SYNE2: variants seen among roughly 807,000 people sequenced by gnomAD.
The protein encoded by SYNE2 is spectrin repeat containing nuclear envelope protein 2.
SYNE2 carries 431 observed loss-of-function variants against 856.3 expected under a neutral mutation model. The observed-to-expected ratio is 0.50, with a 90% confidence interval of 0.47 to 0.55. SYNE2 has a LOEUF of 0.55. Among genes scored for constraint, SYNE2 ranks in the 20% least tolerant of loss-of-function variants. SYNE2 has a pLI of 0.00. For missense variants in SYNE2, 8,129 were observed against 8,023.2 expected (o/e 1.01, Z -0.50); for synonymous variants, 2,923 against 2,872.3 (o/e 1.02, Z -0.56).
intron 7 of SYNE2, among the ~76,000 whole-genome samples, chr14:63,953,073 A>G: frequency 6.6e-6 from 1 of 152,208 alleles, no homozygotes; most frequent in Non-Finnish European, 1.5e-5. Context: ...TTGGGGAATG[A>G]GTCTACAGTG....
Position 64,190,229 on chromosome 14 carries a change from C to G in SYNE2, c.18030C>G (p.Ile6010Met), listed in dbSNP as rs145549349. ...NDRWQHLFDV[I>M]GSRVKKLKET... Reference sequence around the variant, plus strand: ...GTTGGCAACATCTTTTTGATGTCATCGGATCAAGGTAAGAAATGGGCTAAA... The same window carrying G: ...GTTGGCAACATCTTTTTGATGTCATGGGATCAAGGTAAGAAATGGGCTAAA... Residue 6010 changes from isoleucine to methionine, a missense_variant, in exon 99 of 116, where the codon ATC (isoleucine) becomes ATG (methionine). Around this residue, in one of 3 missense-constraint regions of SYNE2, gnomAD observed 5,410 missense variants for 5,284.8 expected, o/e 1.02. Coordinates refer to ENST00000555002, the MANE Select transcript of SYNE2 (RefSeq NM_182914.3). 1.2e-6 allele frequency: 2 copies of G among 1,613,860 alleles called. No individual in the cohort carries two copies. The highest frequency in any genetic ancestry group is 1.7e-6 in the Non-Finnish European group (2 of 1,180,008).
intron 96 of SYNE2, among the ~76,000 whole-genome samples, chr14:64,179,912 A>G (rs2098450384): frequency 6.6e-6 from 1 of 152,154 alleles, no homozygotes; most frequent in Admixed American, 6.5e-5. Context: ...GTATTTTCCT[A>G]TATGATTTGT....
intron 8 of SYNE2, among the ~76,000 whole-genome samples, chr14:63,959,292 T>C (rs2096279668): frequency 1.5e-5 from 2 of 132,164 alleles, no homozygotes; most frequent in South Asian, 2.7e-4. Flanking sequence ...TTCTTCTTTT[T>C]TTTTTTTTTT....
chr14:64,037,970 C>T lies in SYNE2; in HGVS notation c.7221+6613C>T, dbSNP rs1292833256. The stretch of plus-strand genomic sequence containing the variant: ...CCCCCCACCTCCCTCCCGGACGGGG[C>T]GGCTGCCGGGCGGAGACGCTCCTCA... On this transcript the variant is annotated intron_variant, in intron 45 of 115. Transcript: ENST00000555002. 1.1e-3 allele frequency among the ~76,000 whole-genome samples: 173 copies of T among 150,808 alleles called. 1 individual carries two copies. The highest frequency in any genetic ancestry group is 3.5e-3 in the African/African-American group (144 of 41,116).
chr14:63,982,479 C>T (rs1199317499), intron 16 of SYNE2, 151 bp from the exon 17 acceptor site: 5 of 687,744 alleles, frequency 7.3e-6, no homozygotes, highest in African/African-American at 2.0e-5. Context: ...TTGATTGCGC[C>T]ACTGCACTCC....
intron 45 of SYNE2, among the ~76,000 whole-genome samples, chr14:64,039,503 C>A (rs1293604106): frequency 2.0e-5 from 3 of 152,180 alleles, no homozygotes; most frequent in African/African-American, 7.2e-5. Flanking sequence ...ATTCTTCTCA[C>A]CTCCTATTCT....
intron 84 of SYNE2, among the ~76,000 whole-genome samples, chr14:64,152,144 A>G (rs1567476487): frequency 6.6e-6 from 1 of 152,222 alleles, no homozygotes; most frequent in East Asian, 1.9e-4. Context: ...ATATGATGCT[A>G]TATGGTTTAA....
At chr14:63,959,362 A>G (rs1368191380) in intron 8 of SYNE2, among the ~76,000 whole-genome samples, 1 of 137,616 alleles carries the variant, frequency 7.3e-6, no homozygotes, top group African/African-American at 2.8e-5. Flanking sequence ...CAGCGGCTCA[A>G]TCTCAGCTCA....
intron 1 of SYNE2, among the ~76,000 whole-genome samples, chr14:63,828,082 A>G (rs1889528625): frequency 6.6e-6 from 1 of 151,464 alleles, no homozygotes; most frequent in African/African-American, 2.4e-5. Flanking sequence ...CTGTAACCCC[A>G]GCTGCTCCAG....
intron 99 of SYNE2, among the ~76,000 whole-genome samples, chr14:64,197,377 G>A (rs766757449): frequency 1.1e-4 from 16 of 152,194 alleles, no homozygotes; most frequent in Non-Finnish European, 2.1e-4. Context: ...ATGCTTTAAA[G>A]AGGCAATGAG....
At chr14:63,934,327 C>T (rs570991115) in intron 2 of SYNE2, among the ~76,000 whole-genome samples, 1 of 149,938 alleles carries the variant, frequency 6.7e-6, no homozygotes, top group East Asian at 1.9e-4. Context: ...ACAGAGGTAA[C>T]TTCTACTTTT....
chr14:64,006,672 A>G (rs2096798468), intron 30 of SYNE2, among the ~76,000 whole-genome samples: 2 of 152,010 alleles, frequency 1.3e-5, no homozygotes, highest in African/African-American at 4.8e-5. Flanking sequence ...CTACAAAAAA[A>G]GAAAAATTAG....
intron 11 of SYNE2, among the ~76,000 whole-genome samples, chr14:63,972,847 A>G (rs1366831314): frequency 6.6e-6 from 1 of 152,226 alleles, no homozygotes; most frequent in Non-Finnish European, 1.5e-5. Context: ...AACTAGAGGT[A>G]TTGCTCTTAG....
chr14:64,103,219 A>G (rs953550461), intron 64 of SYNE2, among the ~76,000 whole-genome samples: 4 of 152,152 alleles, frequency 2.6e-5, no homozygotes, highest in Admixed American at 6.5e-5. Flanking sequence ...AAAACTCCAT[A>G]TATGTGAAAA....
In SYNE2 at chr14:64,167,437, G is replaced by A. The variant is rs370116312; in HGVS notation, c.16760+50G>A. Reference sequence around the variant, plus strand: ...TGTTTCAATTAAGGTAAAATTAACGGCTTCAGCTCGGGAATGGCATTGTTA... The same window carrying A: ...TGTTTCAATTAAGGTAAAATTAACGACTTCAGCTCGGGAATGGCATTGTTA... On this transcript the variant is annotated intron_variant, in intron 91 of 115. Coordinates refer to ENST00000555002, the MANE Select transcript of SYNE2 (RefSeq NM_182914.3). 7 of 1,614,084 alleles carry A rather than the reference G, an allele frequency of 4.3e-6. No homozygotes were observed. In the African/African-American group the frequency reaches 8.0e-5, roughly 18 times the overall value.
In SYNE2 at chr14:64,125,126, T is replaced by A; in HGVS notation, c.13470T>A (p.Phe4490Leu). The change falls in exon 71 of 116, where the codon TTT (phenylalanine) becomes TTA (leucine). Residue 4490 changes from phenylalanine (F) to leucine (L), a missense_variant. Phe to Leu is a conservative substitution (Grantham distance 22). Coordinates refer to ENST00000555002, the MANE Select transcript of SYNE2 (RefSeq NM_182914.3). ...GILPSVTMYNFRYPTTEELKT... is the reference protein window; with the variant it reads ...GILPSVTMYNLRYPTTEELKT... Reference sequence around the variant, plus strand: ...TACCCAGCGTGACTATGTATAACTTTAGATACCCAACAACTGAAGAACTGA... The same window carrying A: ...TACCCAGCGTGACTATGTATAACTTAAGATACCCAACAACTGAAGAACTGA... 1 of 1,614,216 alleles carries A rather than the reference T, an allele frequency of 6.2e-7. No individual in the cohort carries two copies. Among genetic ancestry groups the A allele is most frequent in the Non-Finnish European group, 8.5e-7 (1 of 1,180,028 alleles).
At chr14:63,837,098 A>C (rs1889883454) in intron 1 of SYNE2, among the ~76,000 whole-genome samples, 1 of 152,240 alleles carries the variant, frequency 6.6e-6, no homozygotes, top group Non-Finnish European at 1.5e-5. Flanking sequence ...GCAGGAAATT[A>C]TATAAGATGT....
intron 35 of SYNE2, 95 bp downstream of exon 35, chr14:64,020,188 G>A (rs2096926077): frequency 2.5e-6 from 2 of 807,086 alleles, no homozygotes; most frequent in South Asian, 1.5e-5. Context: ...GCAAAACCCT[G>A]TCTCTAAAAG....
In SYNE2 at chr14:64,027,543, G is replaced by C; in HGVS notation, c.6464G>C (p.Arg2155Thr). 2 of 1,611,758 alleles carry C rather than the reference G, an allele frequency of 1.2e-6. No homozygotes were observed. Among genetic ancestry groups the C allele is most frequent in the Non-Finnish European group, 1.7e-6 (2 of 1,178,702 alleles). Residue 2155 changes from arginine (R) to threonine (T), a missense_variant, in exon 43 of 116, where the codon AGA (arginine) becomes ACA (threonine). By Grantham distance (71) the Arg-to-Thr change is moderately conservative. Transcript: ENST00000555002. ...EKYLQSKEDL[R>T]LMLIELKKKQ... ...TATTTACAAAGTAAGGAGGATCTGAGATTAATGCTCATAGAACTAAAGAAG... is the reference window on the plus strand; with the variant it reads ...TATTTACAAAGTAAGGAGGATCTGACATTAATGCTCATAGAACTAAAGAAG...
Sources: gnomAD v4.1 joint callset for allele counts (sites outside exome capture counted in the v4.1 genomes callset) on GRCh38, gnomAD v4.1.1 for gene constraint, gnomAD v4.1.1 regional missense constraint, MANE v1.5 for transcripts, NCBI Gene and HGNC (gene_info 2026-07-23, HGNC 2026-07-21) for gene names.